The following USP42 variants were observed in gnomAD, a reference collection of about 807,000 sequenced individuals.
USP42 encodes ubiquitin specific peptidase 42.
USP42 carries 23 observed loss-of-function variants against 113.0 expected under a neutral mutation model. The observed-to-expected ratio is 0.20, with a 90% CI of 0.15 to 0.29. The LOEUF is 0.29. Ranked by LOEUF, USP42 falls within the 10% of genes least tolerant of loss-of-function variation. USP42 has a pLI of 1.00. For synonymous variants in USP42, 933 were observed against 699.0 expected (o/e 1.33, Z -5.28); for missense variants, 2,174 against 1,779.8 (o/e 1.22, Z -3.99).
intron 3 of USP42, among the ~76,000 whole-genome samples, chr7:6,131,992 G>A (rs1323541827): frequency 6.6e-6 from 1 of 152,024 alleles, no homozygotes. Flanking sequence ...GAGTGCAGTG[G>A]TGTGATTATA....
chr7:6,142,955 A>G lies in USP42; in HGVS notation c.819A>G (p.Ala273=). 3.7e-6 allele frequency: 6 copies of G among 1,614,022 alleles called. No homozygotes were observed. Among genetic ancestry groups the G allele is most frequent in the Non-Finnish European group, 5.1e-6 (6 of 1,179,880 alleles). Residue 273 remains alanine (A), a synonymous_variant, in exon 8 of 18, where the codon GCA becomes GCG. Coordinates refer to ENST00000306177, the MANE Select transcript of USP42 (RefSeq NM_032172.3). The part of the protein sequence containing the change: ...EIKAAQSVNK[A]LEQFVKPEQL... ...AGGCTGCTCAGAGTGTCAACAAGGC[A>G]TTGGAGCAGTTTGTGAAGCCGGAAC...
chr7:6,137,855 A>G (rs1781230306), intron 4 of USP42, among the ~76,000 whole-genome samples: 1 of 151,286 alleles, frequency 6.6e-6, no homozygotes, highest in Non-Finnish European at 1.5e-5. Context: ...TAATTTTTGT[A>G]TTTTTAGTAG....
chr7:6,106,640 C>A (rs966078233), intron 1 of USP42, among the ~76,000 whole-genome samples: 2 of 152,200 alleles, frequency 1.3e-5, no homozygotes, highest in South Asian at 4.1e-4. Flanking sequence ...TTGTAGCTCA[C>A]TGTAGCCTCA....
chr7:6,083,794 C>CT, the USP42 span, among the ~76,000 whole-genome samples: 12 of 150,738 alleles, frequency 8.0e-5, no homozygotes, highest in African/African-American at 3.0e-4. Flanking sequence ...GTAAATTCCT[C>CT]TTTTTTTCCC....
chr7:6,149,903 A>G lies in USP42; in HGVS notation c.1707A>G (p.Ala569=). 3 of 1,614,068 alleles carry G rather than the reference A, an allele frequency of 1.9e-6. No homozygotes were observed. Among genetic ancestry groups the G allele is most frequent in the South Asian group, 1.1e-5 (1 of 91,088 alleles). Reference sequence around the variant, plus strand: ...CTGCAGTACAGTCTACCTCGAACGCATCTACGATGTCAGTTTCTAGTAAAG... The same window carrying G: ...CTGCAGTACAGTCTACCTCGAACGCGTCTACGATGTCAGTTTCTAGTAAAG... ...TNSAVQSTSN[A]STMSVSSKVT... The change falls in exon 13 of 18, where the codon GCA becomes GCG. Residue 569 remains alanine (A), a synonymous_variant. Coordinates refer to ENST00000306177, the MANE Select transcript of USP42 (RefSeq NM_032172.3).
At chr7:6,082,823 C>G in the USP42 span, among the ~76,000 whole-genome samples, 1 of 149,144 alleles carries the variant, frequency 6.7e-6, no homozygotes, top group Non-Finnish European at 1.5e-5. Context: ...GTTGCCCAGG[C>G]TGGTTGCGAA....
Position 6,161,066 on chromosome 7 carries a change from A to C in USP42, c.*548A>C, listed in dbSNP as rs1337909326. 6.5e-6 allele frequency: 1 copy of C among 152,672 alleles called. No homozygotes were observed. The highest frequency in any genetic ancestry group is 1.5e-5 in the Non-Finnish European group (1 of 68,054). The allele number at this position is 152,672 out of a possible 1,614,324, so 9.5% of individuals were successfully genotyped here. A position where few individuals can be genotyped will look rare whatever the true frequency, so the allele number is the denominator to read the frequency against. On this transcript the variant is annotated 3_prime_UTR_variant, in exon 18 of 18. Coordinates refer to ENST00000306177, the MANE Select transcript of USP42 (RefSeq NM_032172.3). ...TTTTAGTTGTATTCAAGATTTGAAG[A>C]TGTATTTTATAGACAAGTTCTGTTT...
intron 3 of USP42, among the ~76,000 whole-genome samples, chr7:6,122,464 T>TTTTG (rs375914959): frequency 1.9e-4 from 29 of 151,950 alleles, no homozygotes; most frequent in East Asian, 7.7e-4. Flanking sequence ...TGTTTTGTTT[T>TTTTG]TTTGTTTGTT....
chr7:6,125,642 A>G lies in USP42; in HGVS notation c.442+10119A>G, dbSNP rs1002559691. On this transcript the variant is annotated intron_variant, in intron 3 of 17. Transcript: ENST00000306177. ...ATTCATTTTAAAAGTTTTGTTTTAG[A>G]TAGTTTAAAGCTTTTAAGAAATCAT... Among the ~76,000 whole-genome samples the G allele has an allele frequency of 2.6e-5, 4 of 152,064 alleles. No homozygotes were observed. The East Asian group carries it at 7.7e-4, about 29-fold the overall frequency.
chr7:6,134,209 G>T (rs967614336), intron 3 of USP42, among the ~76,000 whole-genome samples: 2 of 151,954 alleles, frequency 1.3e-5, no homozygotes, highest in Admixed American at 6.6e-5. Context: ...TCTTCTTAAT[G>T]TATTCTTCCA....
At chr7:6,108,958 A>G (rs1291207304) in intron 1 of USP42, among the ~76,000 whole-genome samples, 2 of 152,216 alleles carry the variant, frequency 1.3e-5, no homozygotes, top group Non-Finnish European at 2.9e-5. Context: ...AGCTTTCTCT[A>G]CACCAGGTCA....
At chr7:6,081,612 G>C in the USP42 span, 1 of 152,280 alleles carries the variant, frequency 6.6e-6, no homozygotes, top group Non-Finnish European at 1.5e-5. Context: ...CTGGGCAGGC[G>C]GGGCAGGAGG....
chr7:6,091,978 T>TTCTTCTTC, the USP42 span, among the ~76,000 whole-genome samples: 25 of 67,922 alleles, frequency 3.7e-4, no homozygotes, highest in Middle Eastern at 6.4e-3. Flanking sequence ...GGACGTATTT[T>TTCTTCTTC]TTCTTCTTCT....
chr7:6,113,438 C>A (rs1054543934), intron 2 of USP42, among the ~76,000 whole-genome samples: 1 of 152,086 alleles, frequency 6.6e-6, no homozygotes, highest in East Asian at 1.9e-4. Flanking sequence ...CACATCTCCC[C>A]ACTCTCCCCT....
In USP42 at chr7:6,115,574, C is replaced by A. The variant is rs369788199; in HGVS notation, c.442+51C>A. On this transcript the variant is annotated intron_variant, in intron 3 of 17. Coordinates refer to ENST00000306177, the MANE Select transcript of USP42 (RefSeq NM_032172.3). The stretch of plus-strand genomic sequence containing the variant: ...GTATTGTAGTGCGCTAACCTACTTT[C>A]ATTTTTTCCTCTGAAATGAAAGTGA... 1.2e-4 allele frequency: 183 copies of A among 1,578,154 alleles called. No individual in the cohort carries two copies. In the African/African-American group the frequency reaches 2.3e-3, roughly 20 times the overall value.
chr7:6,096,220 C>G, the USP42 span, among the ~76,000 whole-genome samples: 223 of 151,328 alleles, frequency 1.5e-3, 4 homozygotes, highest in Non-Finnish European at 7.8e-4. Context: ...CGCCTGTAAT[C>G]CCAGCACTTT....
chr7:6,113,142 G>A (rs910035814), intron 2 of USP42, among the ~76,000 whole-genome samples: 4 of 151,808 alleles, frequency 2.6e-5, no homozygotes, highest in Non-Finnish European at 5.9e-5. Flanking sequence ...TAATCCACCC[G>A]CCTCGGCCTC....
intron 3 of USP42, among the ~76,000 whole-genome samples, chr7:6,126,058 TCCAAGC>T (rs1780525845): frequency 6.6e-6 from 1 of 152,170 alleles, no homozygotes; most frequent in Non-Finnish European, 1.5e-5. Context: ...TGTTTCCCTT[TCCAAGC>T]CCACTTGTGT....
chr7:6,107,412 T>C (rs1005683857), intron 1 of USP42, among the ~76,000 whole-genome samples: 3 of 149,210 alleles, frequency 2.0e-5, no homozygotes, highest in African/African-American at 7.3e-5. Flanking sequence ...TCCTTTTCTT[T>C]TTTTTTTTTT....
Sources: allele counts gnomAD v4.1 joint callset (sites outside exome capture counted in the v4.1 genomes callset), GRCh38; gene constraint gnomAD v4.1.1; transcripts MANE v1.5; gene names NCBI Gene and HGNC (gene_info 2026-07-23, HGNC 2026-07-21).